The following OR2T11 variants were observed in gnomAD, a reference collection of about 807,000 sequenced individuals.
The protein encoded by OR2T11 is olfactory receptor family 2 subfamily T member 11.
OR2T11 carries 14 observed loss-of-function variants against 13.5 expected under a neutral mutation model. That is an observed-to-expected ratio of 1.04 (90% confidence interval 0.69 to 1.62). The LOEUF is 1.62. Ranked by LOEUF, OR2T11 falls within the 40% of genes most tolerant of loss-of-function variation. OR2T11 has a pLI of 0.00. For missense variants in OR2T11, 410 were observed against 389.7 expected, an observed-to-expected ratio of 1.05 and a Z score of -0.44; for synonymous variants, 163 against 154.6, an observed-to-expected ratio of 1.05 and a Z score of -0.40.
chr1:248,634,059 T>C (rs1483548029), intron 1 of OR2T11, among the ~76,000 whole-genome samples: 5 of 141,950 alleles, frequency 3.5e-5, no homozygotes, highest in Non-Finnish European at 6.1e-5. Context: ...AAAGTCTAAC[T>C]TTGTTAATCT....
intron 1 of OR2T11, among the ~76,000 whole-genome samples, chr1:248,631,496 C>A (rs1660614487): frequency 7.0e-6 from 1 of 142,512 alleles, no homozygotes; most frequent in South Asian, 2.2e-4. Context: ...CCCTTAACTT[C>A]TCCCCAAAGA....
chr1:248,629,035 T>TAACCCACAC (rs1415917953), intron 1 of OR2T11, among the ~76,000 whole-genome samples: 1 of 143,812 alleles, frequency 7.0e-6, no homozygotes, highest in Admixed American at 6.8e-5. Flanking sequence ...CTAATAGAAT[T>TAACCCACAC]AACCCACACT....
At chr1:248,630,384 G>A (rs557980713) in intron 1 of OR2T11, among the ~76,000 whole-genome samples, 256 of 17,494 alleles carry the variant, frequency 0.015, 33 homozygotes, top group Non-Finnish European at 0.046. Flanking sequence ...ATTACGCTCT[G>A]GTTTAAAATA....
In OR2T11 at chr1:248,629,725, T is replaced by C. The variant is rs961614001; in HGVS notation, c.-144-2453A>G. Among the ~76,000 whole-genome samples, 4 of 141,466 alleles carry C rather than the reference T, an allele frequency of 2.8e-5. 1 individual carries two copies. The highest frequency in any genetic ancestry group is 8.5e-5 in the African/African-American group (3 of 35,470). 92.8% of individuals were successfully genotyped at this position (141,466 alleles called of 152,430 possible). On this transcript the variant is annotated intron_variant, in intron 1 of 1. Coordinates refer to ENST00000641193, the MANE Select transcript of OR2T11 (RefSeq NM_001001964.2). ...GATCTCCCGCCGACTCCAGTCTGTC[T>C]GTCCCTGGGCTGCAGCGACGGTGGC...
At chr1:248,631,470 A>G (rs1366466558) in intron 1 of OR2T11, among the ~76,000 whole-genome samples, 1 of 142,512 alleles carries the variant, frequency 7.0e-6, no homozygotes, top group Non-Finnish European at 1.5e-5. Flanking sequence ...TTTGTTTTTC[A>G]TGCTCTCTGC....
In OR2T11 at chr1:248,630,140, A is replaced by G. The variant is rs1464199437; in HGVS notation, c.-144-2868T>C. Among the ~76,000 whole-genome samples, 13 of 143,484 alleles carry G rather than the reference A, an allele frequency of 9.1e-5. 1 individual carries two copies. The highest frequency in any genetic ancestry group is 1.7e-4 in the Non-Finnish European group (11 of 66,338). The allele number at this position is 143,484 out of a possible 152,430, so 94.1% of individuals were successfully genotyped here. On this transcript the variant is annotated intron_variant, in intron 1 of 1. Transcript: ENST00000641193. ...TTTATGCTTTTTAAGGAATACCTCT[A>G]GAATTCCTTCAAAACACCTCCTGAT...
rs1660500006 is a variant in OR2T11, at chr1:248,625,386, T to G, written c.*792A>C. On this transcript the variant is annotated 3_prime_UTR_variant, in exon 2 of 2. Transcript: ENST00000641193. ...AAACTCCAGGGACTTCCCACCCCAC[T>G]CAGTCAGTCTCAAAGTGCCTTAAGT... The G allele has an allele frequency of 6.9e-6, 1 of 144,068 alleles. No homozygotes were observed. Among genetic ancestry groups the G allele is most frequent in the Admixed American group, 6.8e-5 (1 of 14,800 alleles). The allele number at this position is 144,068 out of a possible 1,614,324, so 8.9% of individuals were successfully genotyped here. A position where few individuals can be genotyped will look rare whatever the true frequency, so the allele number is the denominator to read the frequency against.
intron 1 of OR2T11, among the ~76,000 whole-genome samples, chr1:248,628,962 A>G (rs1660565330): frequency 1.4e-5 from 2 of 143,488 alleles, no homozygotes; most frequent in Non-Finnish European, 3.0e-5. Context: ...CTAAAAATAT[A>G]TTCTGCTAAT....
Position 248,627,033 on chromosome 1 carries a change from G to A in OR2T11, c.96C>T (p.Phe32=), listed in dbSNP as rs756544662. The change falls in exon 2 of 2, where the codon TTC becomes TTT. Residue 32 remains phenylalanine, a synonymous_variant. Transcript: ENST00000641193. ...GIVFTVILAV[F]LGAVTANLVM... ...CCAAATTTGCAGTCACGGCCCCCAA[G>A]AAAACAGCAAGGATCACTGTAAATA... The A allele has an allele frequency of 2.5e-6, 4 of 1,570,220 alleles. No homozygotes were observed. In the Admixed American group the frequency reaches 5.1e-5, roughly 20 times the overall value.
intron 1 of OR2T11, among the ~76,000 whole-genome samples, chr1:248,629,340 C>T (rs1660571846): frequency 7.0e-6 from 1 of 142,856 alleles, no homozygotes; most frequent in Admixed American, 6.8e-5. Flanking sequence ...TTACAGAGAG[C>T]TATGATTGTG....
chr1:248,624,728 C>T lies in OR2T11; in HGVS notation c.*1450G>A, dbSNP rs550280969. On this transcript the variant is annotated 3_prime_UTR_variant, in exon 2 of 2. Transcript: ENST00000641193. Reference sequence around the variant, plus strand: ...CTTTACATATAGCTTCAATATCTTTCTGTATTTATGTATTTATCTTGAGAC... The same window carrying T: ...CTTTACATATAGCTTCAATATCTTTTTGTATTTATGTATTTATCTTGAGAC... 1 of 144,064 alleles carries T rather than the reference C, an allele frequency of 6.9e-6. No individual in the cohort carries two copies. The highest frequency in any genetic ancestry group is 1.5e-5 in the Non-Finnish European group (1 of 66,446). The allele number at this position is 144,064 out of a possible 1,614,324, so 8.9% of individuals were successfully genotyped here.
Position 248,626,114 on chromosome 1 carries a change from C to A in OR2T11, c.*64G>T. 1 of 900,138 alleles carries A rather than the reference C, an allele frequency of 1.1e-6. No individual in the cohort carries two copies. The highest frequency in any genetic ancestry group is 1.5e-5 in the South Asian group (1 of 65,520). The allele number at this position is 900,138 out of a possible 1,614,324, so 55.8% of individuals were successfully genotyped here. A position where few individuals can be genotyped will look rare whatever the true frequency, so the allele number is the denominator to read the frequency against. ...GTAGGTTGATAGCTGAGCAGATCATCTCCAGGGAAACAGGGCAAATGGAGG... is the reference window on the plus strand; with the variant it reads ...GTAGGTTGATAGCTGAGCAGATCATATCCAGGGAAACAGGGCAAATGGAGG... On this transcript the variant is annotated 3_prime_UTR_variant, in exon 2 of 2. Coordinates refer to ENST00000641193, the MANE Select transcript of OR2T11 (RefSeq NM_001001964.2).
In OR2T11 at chr1:248,631,336, C is replaced by T. The variant is rs1283000735; in HGVS notation, c.-145+3702G>A. Among the ~76,000 whole-genome samples the T allele has an allele frequency of 2.1e-5, 3 of 143,694 alleles. 1 individual carries two copies. Among genetic ancestry groups the T allele is most frequent in the Admixed American group, 2.0e-4 (3 of 14,756 alleles). The allele number at this position is 143,694 out of a possible 152,430, so 94.3% of individuals were successfully genotyped here. A position where few individuals can be genotyped will look rare whatever the true frequency, so the allele number is the denominator to read the frequency against. Reference sequence around the variant, plus strand: ...CTCAGGCACCGTGGACGTGTGCCAACGTTTCCACGTGCTCTTCACAGCACC... The same window carrying T: ...CTCAGGCACCGTGGACGTGTGCCAATGTTTCCACGTGCTCTTCACAGCACC... On this transcript the variant is annotated intron_variant, in intron 1 of 1. Transcript: ENST00000641193.
Position 248,634,544 on chromosome 1 carries a change from C to G in OR2T11, c.-145+494G>C, listed in dbSNP as rs1227965514. Among the ~76,000 whole-genome samples, 24 of 142,246 alleles carry G rather than the reference C, an allele frequency of 1.7e-4. 4 individuals carry two copies. Among genetic ancestry groups the G allele is most frequent in the African/African-American group, 6.7e-4 (24 of 35,994 alleles). The allele number at this position is 142,246 out of a possible 152,430, so 93.3% of individuals were successfully genotyped here. ...AGTACAATCCCAGCTGAAAAAGAAG[C>G]TTAAAAATGCATCTGGTTTTTATCA... On this transcript the variant is annotated intron_variant, in intron 1 of 1. Transcript: ENST00000641193.
At position 248,627,918 on chromosome 1, in the gene OR2T11, G is replaced by A. The variant is rs1660547329; in HGVS notation, c.-144-646C>T. 2.1e-5 allele frequency among the ~76,000 whole-genome samples: 3 copies of A among 142,680 alleles called. No individual in the cohort carries two copies. In the South Asian group the frequency reaches 6.5e-4, roughly 31 times the overall value. The allele number at this position is 142,680 out of a possible 152,430, so 93.6% of individuals were successfully genotyped here. A position where few individuals can be genotyped will look rare whatever the true frequency, so the allele number is the denominator to read the frequency against. The stretch of plus-strand genomic sequence containing the variant: ...TAACCTTTTTGCAGATCTTTCTTCA[G>A]ATAAATTAGAAGGTAAAAAAAACTA... On this transcript the variant is annotated intron_variant, in intron 1 of 1. Coordinates refer to ENST00000641193, the MANE Select transcript of OR2T11 (RefSeq NM_001001964.2).
At chr1:248,629,947 T>TAC (rs1372468016) in intron 1 of OR2T11, among the ~76,000 whole-genome samples, 1 of 142,896 alleles carries the variant, frequency 7.0e-6, no homozygotes, top group Non-Finnish European at 1.5e-5. Flanking sequence ...CGTCTGACAC[T>TAC]ACCTTGTGTT....
chr1:248,630,421 T>C (rs1228906440), intron 1 of OR2T11, among the ~76,000 whole-genome samples: 1 of 15,422 alleles, frequency 6.5e-5, no homozygotes, highest in Non-Finnish European at 2.8e-4. Context: ...GATGTCAGCA[T>C]AATTCACAAA....
In OR2T11 at chr1:248,625,931, T is replaced by A. The variant is rs1344063763; in HGVS notation, c.*247A>T. On this transcript the variant is annotated 3_prime_UTR_variant, in exon 2 of 2. Coordinates refer to ENST00000641193, the MANE Select transcript of OR2T11 (RefSeq NM_001001964.2). ...GAACTCTAATATTTGGGGTTTTTCT[T>A]CCCTAAATAAAAAGACTAGATAAAT... The A allele has an allele frequency of 3.2e-6, 1 of 309,838 alleles. No individual in the cohort carries two copies. The allele number at this position is 309,838 out of a possible 1,614,324, so 19.2% of individuals were successfully genotyped here.
rs1485531441 is a variant in OR2T11 at position 248,625,951 on chromosome 1, A to G, written c.*227T>C. 10 of 361,068 alleles carry G rather than the reference A, an allele frequency of 2.8e-5. No individual in the cohort carries two copies. In the East Asian group the frequency reaches 4.5e-4, roughly 16 times the overall value. The allele number at this position is 361,068 out of a possible 1,614,324, so 22.4% of individuals were successfully genotyped here. On this transcript the variant is annotated 3_prime_UTR_variant, in exon 2 of 2. Coordinates refer to ENST00000641193, the MANE Select transcript of OR2T11 (RefSeq NM_001001964.2). ...TTTCTTCCCTAAATAAAAAGACTAG[A>G]TAAATTATTTAACTTCATAATAAAC... is the stretch of plus-strand genomic sequence containing the variant.
Sources: gnomAD v4.1 joint callset for allele counts (sites outside exome capture counted in the v4.1 genomes callset) on GRCh38, gnomAD v4.1.1 for gene constraint, MANE v1.5 for transcripts, NCBI Gene and HGNC (gene_info 2026-07-23, HGNC 2026-07-21) for gene names.